HMGA2: variants seen among roughly 807,000 people sequenced by gnomAD.
HMGA2 encodes the protein high mobility group AT-hook 2, also known as high mobility group protein HMGI-C.
A neutral mutation model predicts 19.1 loss-of-function variants in HMGA2; 8 were observed. The ratio of observed to expected loss-of-function variants is 0.42; its 90% CI spans 0.25 to 0.76. The LOEUF is 0.76. HMGA2 is among the 30% of genes least tolerant of loss of function. HMGA2 has a pLI of 0.28. For missense variants in HMGA2, 109 were observed against 136.3 expected, an observed-to-expected ratio of 0.80 and a Z score of 1.00; for synonymous variants, 60 against 48.8, an observed-to-expected ratio of 1.23 and a Z score of -0.96.
chr12:65,861,940 G>T lies in HMGA2; in HGVS notation c.249+23371G>T, dbSNP rs1346639901. 7.9e-5 allele frequency among the ~76,000 whole-genome samples: 12 copies of T among 151,440 alleles called. No homozygotes were observed. In the South Asian group the frequency reaches 8.3e-4, roughly 11 times the overall value. ...GCTCACTGCAACCTCTGCCTCCCCA[G>T]TTCAAGCGATTCTCCTGCTTCAGCC... On this transcript the variant is annotated intron_variant, in intron 3 of 4. Coordinates refer to ENST00000403681, the MANE Select transcript of HMGA2 (RefSeq NM_003483.6).
At chr12:65,952,504 A>G (rs1876492065) in intron 4 of HMGA2, 1 of 1,493,218 alleles carries the variant, frequency 6.7e-7, no homozygotes, top group Non-Finnish European at 8.9e-7. Flanking sequence ...ATGAGCTTTA[A>G]GTGGAATAAA....
chr12:65,838,694 G>A (rs776551233), intron 3 of HMGA2, 125 bp downstream of exon 3: 42 of 722,996 alleles, frequency 5.8e-5, no homozygotes, highest in Non-Finnish European at 9.4e-5. Flanking sequence ...ATCTTTGAAA[G>A]GGTTAAGTCA....
chr12:65,847,097 C>T (rs979805075), intron 3 of HMGA2, among the ~76,000 whole-genome samples: 1 of 152,142 alleles, frequency 6.6e-6, no homozygotes, highest in African/African-American at 2.4e-5. Flanking sequence ...TATATACACA[C>T]ACACACTTAT....
At chr12:65,882,057 C>A in intron 3 of HMGA2, 2 of 610,274 alleles carry the variant, frequency 3.3e-6, no homozygotes, top group Non-Finnish European at 6.0e-6. Context: ...ATCACCAAAG[C>A]TGTCCACCTT....
chr12:65,869,887 G>A (rs1296093528), intron 3 of HMGA2, among the ~76,000 whole-genome samples: 1 of 152,140 alleles, frequency 6.6e-6, no homozygotes, highest in Non-Finnish European at 1.5e-5. Context: ...ACCCAGGTTT[G>A]TCAGACTCTA....
At chr12:65,926,783 GA>G (rs971145528) in intron 3 of HMGA2, among the ~76,000 whole-genome samples, 1 of 152,142 alleles carries the variant, frequency 6.6e-6, no homozygotes, top group African/African-American at 2.4e-5. Context: ...ATTGTCACAG[GA>G]AACATTCAGT....
rs117982783 is a variant in HMGA2, at chr12:65,878,579, G to T, written c.249+40010G>T. 3.8e-3 allele frequency among the ~76,000 whole-genome samples: 580 copies of T among 152,278 alleles called. 19 individuals carry two copies. The East Asian group carries it at 0.079, about 21-fold the overall frequency. ...GACATCAAAGTTTCAACACATATCT[G>T]TTTTAAAAAATCTACAAGCCCAGTT... On this transcript the variant is annotated intron_variant, in intron 3 of 4. Coordinates refer to ENST00000403681, the MANE Select transcript of HMGA2 (RefSeq NM_003483.6).
chr12:65,945,162 A>G (rs1555188487), intron 3 of HMGA2, among the ~76,000 whole-genome samples: 3 of 151,458 alleles, frequency 2.0e-5, no homozygotes, highest in Non-Finnish European at 4.4e-5. Context: ...CAGAAATACC[A>G]TTTTGTCTGC....
At position 65,825,533 on chromosome 12, in the gene HMGA2, C is replaced by G. The variant is rs1870116444; in HGVS notation, c.111+152C>G. 2 of 272,714 alleles carry G rather than the reference C, an allele frequency of 7.3e-6. No individual in the cohort carries two copies. The highest frequency in any genetic ancestry group is 2.3e-5 in the African/African-American group (1 of 43,646). 16.9% of individuals were successfully genotyped at this position (272,714 alleles called of 1,614,324 possible). On this transcript the variant is annotated intron_variant, in intron 1 of 4. Transcript: ENST00000403681. This position sits in a 1 kb window ranked among gnomAD's most constrained non-coding sequence, Gnocchi z 4.4. ...GCCGGGGGGAGCGGCGCAGACCCCA[C>G]GAGTGCGCCGCGCGGCCCCGGGGCG...
rs550921952 is a variant in HMGA2, at chr12:65,892,077, G to A, written c.249+53508G>A. On this transcript the variant is annotated intron_variant, in intron 3 of 4. Transcript: ENST00000403681. ...CTGGACCGGAGTGCTCTGCCTCTGC[G>A]CCGACACTCACTCTGATGGTCTTGG... Among the ~76,000 whole-genome samples the A allele has an allele frequency of 7.2e-5, 11 of 152,284 alleles. No homozygotes were observed. The South Asian group carries it at 1.5e-3, about 20-fold the overall frequency.
intron 3 of HMGA2, among the ~76,000 whole-genome samples, chr12:65,875,024 T>C (rs991648939): frequency 1.9e-4 from 29 of 151,930 alleles, no homozygotes; most frequent in African/African-American, 5.5e-4. Flanking sequence ...TTTAGAATTA[T>C]CATGTAGCTT....
chr12:65,927,187 C>T (rs566581752), intron 3 of HMGA2, among the ~76,000 whole-genome samples: 2 of 152,312 alleles, frequency 1.3e-5, no homozygotes, highest in South Asian at 4.1e-4. Context: ...CCTTTCCCCT[C>T]ATAGTGGGAT....
intron 3 of HMGA2, among the ~76,000 whole-genome samples, chr12:65,921,965 G>A (rs1249025780): frequency 2.0e-5 from 3 of 152,212 alleles, no homozygotes; most frequent in Non-Finnish European, 4.4e-5. Flanking sequence ...GAATCTGTGG[G>A]TGCACGGAAG....
intron 2 of HMGA2, among the ~76,000 whole-genome samples, chr12:65,831,951 G>A (rs191647297): frequency 6.6e-6 from 1 of 151,982 alleles, no homozygotes; most frequent in African/African-American, 2.4e-5. Context: ...CTGGCCTATG[G>A]TTTCTAAATT....
chr12:65,923,152 C>T (rs1255119475), intron 3 of HMGA2, among the ~76,000 whole-genome samples: 4 of 152,070 alleles, frequency 2.6e-5, no homozygotes, highest in Admixed American at 2.6e-4. Context: ...AATTGTTGTG[C>T]CCCAAAGAAG....
intron 3 of HMGA2, among the ~76,000 whole-genome samples, chr12:65,849,736 A>ATGTTTTTTTTTTTTTTT (rs1871375524): frequency 1.2e-5 from 1 of 85,128 alleles, no homozygotes; most frequent in Non-Finnish European, 2.1e-5. Flanking sequence ...TAGGCTCTGT[A>ATGTTTTTTTTTTTTTTT]TTTTTTTTTT....
chr12:65,829,748 C>T (rs1475809132), intron 2 of HMGA2, among the ~76,000 whole-genome samples: 2 of 151,916 alleles, frequency 1.3e-5, no homozygotes, highest in African/African-American at 4.8e-5. Context: ...AGAAACGCTC[C>T]CATCGCCTCC....
intron 4 of HMGA2, 47 bp from the exon 5 acceptor site, chr12:65,963,198 A>G: frequency 3.2e-6 from 5 of 1,584,598 alleles, no homozygotes; most frequent in Non-Finnish European, 4.3e-6. Context: ...AGCAGCCCAC[A>G]CAGTATAACG....
chr12:65,875,981 GA>G (rs1218494654), intron 3 of HMGA2, among the ~76,000 whole-genome samples: 2 of 152,098 alleles, frequency 1.3e-5, no homozygotes, highest in Middle Eastern at 3.2e-3. Context: ...GGAAAGAAAT[GA>G]AACTGCATTC....
Sources: gnomAD v4.1 joint callset for allele counts (sites outside exome capture counted in the v4.1 genomes callset) on GRCh38, gnomAD v4.1.1 for gene constraint, Gnocchi (gnomAD v3.1) non-coding constraint, MANE v1.5 for transcripts, NCBI Gene and HGNC (gene_info 2026-07-23, HGNC 2026-07-21) for gene names.